EPM2A: variants seen among roughly 807,000 people sequenced by gnomAD.
EPM2A encodes the protein EPM2A glucan phosphatase, laforin.
In EPM2A, 21 loss-of-function variants were observed where a neutral mutation model predicts 26.5. The observed-to-expected ratio is 0.79, with a 90% CI of 0.56 to 1.14. The LOEUF (loss-of-function observed/expected upper bound fraction) is 1.14, where lower values mean the gene tolerates loss of function less well. Among genes scored for constraint, EPM2A ranks in the 50% most tolerant of loss-of-function variants. EPM2A has a pLI of 0.00. For missense variants in EPM2A, 458 were observed against 440.8 expected, an observed-to-expected ratio of 1.04 and a Z score of -0.35; for synonymous variants, 217 against 177.6, an observed-to-expected ratio of 1.22 and a Z score of -1.76.
chr6:145,490,244 A>G (rs953356206), intron 4 of EPM2A: 20 of 1,259,644 alleles, frequency 1.6e-5, no homozygotes, highest in African/African-American at 4.5e-5. Flanking sequence ...CAAGTCACAT[A>G]AAGAACAATA....
chr6:145,428,075 G>GTTTTTTTTT (rs11343322), intron 4 of EPM2A, among the ~76,000 whole-genome samples: 1 of 97,520 alleles, frequency 1.0e-5, no homozygotes. Context: ...TGTGTTGATA[G>GTTTTTTTTT]TTTTTTTTTT....
chr6:145,451,626 G>A (rs80254956), intron 4 of EPM2A, among the ~76,000 whole-genome samples: 1 of 152,126 alleles, frequency 6.6e-6, no homozygotes, highest in Non-Finnish European at 1.5e-5. Flanking sequence ...AGTCTATAAA[G>A]CCGGACATTA....
intron 4 of EPM2A, among the ~76,000 whole-genome samples, chr6:145,425,916 C>T (rs1404969097): frequency 2.0e-5 from 3 of 152,110 alleles, no homozygotes; most frequent in Non-Finnish European, 2.9e-5. Flanking sequence ...TGTGATCAAT[C>T]GCATGAGTTT....
intron 1 of EPM2A, among the ~76,000 whole-genome samples, chr6:145,715,123 T>C (rs1339894857): frequency 6.6e-6 from 1 of 150,944 alleles, no homozygotes; most frequent in Non-Finnish European, 1.5e-5. Flanking sequence ...TGTATGATTA[T>C]CATATACTTT....
At chr6:145,705,906 A>G (rs1406723901) in intron 1 of EPM2A, 1 of 456,838 alleles carries the variant, frequency 2.2e-6, no homozygotes. Context: ...AAGATATACC[A>G]AGGAAAGATG....
rs148690375 is a variant in EPM2A, at chr6:145,671,013, T to C, written c.476+15109A>G. The C allele has an allele frequency of 5.2e-4, 509 of 985,236 alleles. 1 individual carries two copies. In the African/African-American group the frequency reaches 8.2e-3, roughly 16 times the overall value. The allele number at this position is 985,236 out of a possible 1,614,324, so 61.0% of individuals were successfully genotyped here. On this transcript the variant is annotated intron_variant, in intron 2 of 3. Transcript: ENST00000367519. ...TAAGATTTAAAAGAATCTCAAATCA[T>C]TGAATCAGATGGAAATGCTAATTGA...
intron 4 of EPM2A, among the ~76,000 whole-genome samples, chr6:145,453,205 A>G (rs960474245): frequency 1.3e-5 from 2 of 152,218 alleles, no homozygotes; most frequent in African/African-American, 4.8e-5. Context: ...GAACAGCGTA[A>G]TGTCATCTTT....
intron 4 of EPM2A, among the ~76,000 whole-genome samples, chr6:145,451,224 G>C (rs1331519959): frequency 6.6e-6 from 1 of 152,072 alleles, no homozygotes; most frequent in East Asian, 1.9e-4. Flanking sequence ...CATGATTTTT[G>C]AACATTGCAT....
downstream of EPM2A, among the ~76,000 whole-genome samples, chr6:145,624,987 C>A (rs896001344): frequency 6.6e-6 from 1 of 152,180 alleles, no homozygotes; most frequent in African/African-American, 2.4e-5. Flanking sequence ...ATGAGATCTT[C>A]TCATGATTGC....
chr6:145,670,967 G>C, intron 2 of EPM2A: 1 of 984,300 alleles, frequency 1.0e-6, no homozygotes, highest in African/African-American at 1.7e-5. Context: ...CTACTGATAT[G>C]AACAATTGTA....
chr6:145,481,147 A>G (rs1433184009), intron 4 of EPM2A, among the ~76,000 whole-genome samples: 1 of 152,132 alleles, frequency 6.6e-6, no homozygotes, highest in African/African-American at 2.4e-5. Flanking sequence ...AAAAAAAACA[A>G]CTGCCCTCAG....
chr6:145,637,684 T>G (rs1194478752), intron 2 of EPM2A: 2 of 152,198 alleles, frequency 1.3e-5, no homozygotes, highest in African/African-American at 2.4e-5. Context: ...CTGGACCCAG[T>G]GTACTGAGAG....
intron 3 of EPM2A, 95 bp downstream of exon 3, chr6:145,635,150 C>T: frequency 1.5e-6 from 2 of 1,355,108 alleles, no homozygotes; most frequent in Non-Finnish European, 1.1e-6. Context: ...CCATTTCTAC[C>T]ATTCATTTTT....
rs747296542 is a variant in EPM2A, at chr6:145,735,162, C to G, written c.301+36G>C. The G allele has an allele frequency of 3.5e-6, 5 of 1,444,082 alleles. No homozygotes were observed. The East Asian group carries it at 9.2e-5, about 27-fold the overall frequency. The allele number at this position is 1,444,082 out of a possible 1,614,324, so 89.5% of individuals were successfully genotyped here. A position where few individuals can be genotyped will look rare whatever the true frequency, so the allele number is the denominator to read the frequency against. On this transcript the variant is annotated intron_variant, in intron 1 of 3. Transcript: ENST00000367519. ...GGTTGGGGGTGCGGGCCGGAGCTCC[C>G]GCTCTGCGCCGGGGGCAGGCGTCTG...
At chr6:145,449,598 T>C (rs151035008) in intron 4 of EPM2A, among the ~76,000 whole-genome samples, 1 of 152,322 alleles carries the variant, frequency 6.6e-6, no homozygotes, top group Non-Finnish European at 1.5e-5. Context: ...TGCTACCCAG[T>C]TCCAGATGTT....
chr6:145,594,714 C>T (rs1391968666), intron 2 of EPM2A, among the ~76,000 whole-genome samples: 1 of 151,774 alleles, frequency 6.6e-6, no homozygotes, highest in Non-Finnish European at 1.5e-5. Flanking sequence ...AAGGTATGTA[C>T]ACTTTGAAGA....
At chr6:145,417,174 G>A (rs78365048) in intron 4 of EPM2A, among the ~76,000 whole-genome samples, 2,205 of 152,244 alleles carry the variant, frequency 0.014, 26 homozygotes, top group Non-Finnish European at 0.023. Flanking sequence ...GTTGCTCTTC[G>A]CTTATTTCAA....
intron 2 of EPM2A, among the ~76,000 whole-genome samples, chr6:145,523,646 C>T (rs923812429): frequency 3.3e-5 from 5 of 152,288 alleles, no homozygotes; most frequent in Non-Finnish European, 5.9e-5. Flanking sequence ...TCTCAACTCC[C>T]TCCCTCTTCT....
At chr6:145,642,356 C>G (rs1269843384) in intron 2 of EPM2A, among the ~76,000 whole-genome samples, 1 of 152,032 alleles carries the variant, frequency 6.6e-6, no homozygotes, top group Admixed American at 6.6e-5. Flanking sequence ...AATTAGGAAG[C>G]ACAAAAGACC....
Sources: allele counts gnomAD v4.1 joint callset (sites outside exome capture counted in the v4.1 genomes callset), GRCh38; gene constraint gnomAD v4.1.1; transcripts MANE v1.5; gene names NCBI Gene and HGNC (gene_info 2026-07-23, HGNC 2026-07-21).